The following CDH13 variants were observed in gnomAD, a reference collection of about 807,000 sequenced individuals.
CDH13 encodes the protein cadherin 13.
CDH13 carries 24 observed loss-of-function variants against 63.8 expected under a neutral mutation model. The observed-to-expected ratio is 0.38, with a 90% CI of 0.27 to 0.53. The LOEUF is 0.53. Ranked by LOEUF, CDH13 falls within the 20% of genes least tolerant of loss-of-function variation. CDH13 has a pLI of 0.85. For synonymous variants in CDH13, 503 were observed against 355.3 expected (o/e 1.42, Z -4.67); for missense variants, 1,049 against 903.1 (o/e 1.16, Z -2.07).
At chr16:83,433,118 C>T (rs1056239185) in intron 6 of CDH13, among the ~76,000 whole-genome samples, 8 of 152,152 alleles carry the variant, frequency 5.3e-5, no homozygotes, top group African/African-American at 7.2e-5. Flanking sequence ...GTTTACTGAG[C>T]ACCTACTATG....
chr16:83,741,281 TTAA>T (rs1023698245), intron 10 of CDH13, among the ~76,000 whole-genome samples: 1 of 152,184 alleles, frequency 6.6e-6, no homozygotes, highest in African/African-American at 2.4e-5. Context: ...GGTTCTGCTT[TTAA>T]TAATAAATAC....
chr16:83,580,478 C>G, intron 7 of CDH13, among the ~76,000 whole-genome samples: 1 of 140,360 alleles, frequency 7.1e-6, no homozygotes, highest in African/African-American at 2.6e-5. Flanking sequence ...CTCTCTCTCT[C>G]TCTCTCTCTC....
At chr16:82,691,048 A>G (rs1421243382) in intron 1 of CDH13, among the ~76,000 whole-genome samples, 1 of 152,188 alleles carries the variant, frequency 6.6e-6, no homozygotes, top group Non-Finnish European at 1.5e-5. Flanking sequence ...AAACACCTAG[A>G]TTTTGGATTC....
At chr16:83,576,948 T>C (rs2150715027) in intron 7 of CDH13, among the ~76,000 whole-genome samples, 1 of 152,376 alleles carries the variant, frequency 6.6e-6, no homozygotes, top group East Asian at 1.9e-4. Flanking sequence ...CTGTAAGTTG[T>C]CTTTTCACTT....
At chr16:83,106,209 G>C (rs1436126866) in intron 3 of CDH13, among the ~76,000 whole-genome samples, 1 of 152,116 alleles carries the variant, frequency 6.6e-6, no homozygotes, top group Non-Finnish European at 1.5e-5. Flanking sequence ...CACTTTATTT[G>C]CCTTTCATTT....
At chr16:82,728,620 A>AT (rs2033229933) in intron 1 of CDH13, among the ~76,000 whole-genome samples, 1 of 152,084 alleles carries the variant, frequency 6.6e-6, no homozygotes, top group South Asian at 2.1e-4. Context: ...CTTTTTGCTG[A>AT]TTGAGGGTCT....
intron 2 of CDH13, among the ~76,000 whole-genome samples, chr16:82,927,294 C>G (rs1277432035): frequency 6.6e-6 from 1 of 152,154 alleles, no homozygotes; most frequent in South Asian, 2.1e-4. Context: ...AGAAAATAAA[C>G]TCCTACTCAC....
At chr16:82,675,332 G>A (rs1373401206) in intron 1 of CDH13, among the ~76,000 whole-genome samples, 3 of 152,092 alleles carry the variant, frequency 2.0e-5, no homozygotes, top group Non-Finnish European at 4.4e-5. Context: ...TTATATGGCT[G>A]TATACTTGAA....
chr16:83,193,820 G>A (rs945137227), intron 4 of CDH13, among the ~76,000 whole-genome samples: 1 of 152,082 alleles, frequency 6.6e-6, no homozygotes, highest in Non-Finnish European at 1.5e-5. Flanking sequence ...CACCTATTTA[G>A]TGTTCTGCTT....
intron 6 of CDH13, among the ~76,000 whole-genome samples, chr16:83,438,185 G>A (rs1484525175): frequency 6.6e-6 from 1 of 152,220 alleles, no homozygotes; most frequent in Non-Finnish European, 1.5e-5. Context: ...GAGAGCCTGA[G>A]GGACTTGTCT....
chr16:82,842,654 G>A lies in CDH13; in HGVS notation c.46-15708G>A, dbSNP rs527630342. ...TTTTCCCATGTACCAGGGACATGGG[G>A]GAGGGGAGGATTTGGGGATGATTCA... On this transcript the variant is annotated intron_variant, in intron 1 of 13. Coordinates refer to ENST00000567109, the MANE Select transcript of CDH13 (RefSeq NM_001257.5). 9.9e-5 allele frequency among the ~76,000 whole-genome samples: 15 copies of A among 152,142 alleles called. 1 individual carries two copies. In the South Asian group the frequency reaches 2.9e-3, roughly 30 times the overall value.
intron 5 of CDH13, among the ~76,000 whole-genome samples, chr16:83,261,833 A>C (rs1907033161): frequency 6.6e-6 from 1 of 151,868 alleles, no homozygotes; most frequent in South Asian, 2.1e-4. Context: ...ACCTCTCAAT[A>C]CTGGTCTCTT....
At chr16:83,125,925 C>T (rs1419454937) in intron 4 of CDH13, among the ~76,000 whole-genome samples, 3 of 152,062 alleles carry the variant, frequency 2.0e-5, no homozygotes, top group South Asian at 4.2e-4. Flanking sequence ...AAAACTAAAC[C>T]AGATCAAGGG....
At chr16:83,000,264 T>TTTTTTTTA (rs1912748830) in intron 2 of CDH13, among the ~76,000 whole-genome samples, 2 of 107,112 alleles carry the variant, frequency 1.9e-5, no homozygotes, top group African/African-American at 3.7e-5. Context: ...TTTTTTTTTT[T>TTTTTTTTA]GAGACAGAGT....
At chr16:82,860,398 G>T (rs1245294643) in intron 2 of CDH13, among the ~76,000 whole-genome samples, 1 of 124,364 alleles carries the variant, frequency 8.0e-6, no homozygotes, top group East Asian at 2.7e-4. Flanking sequence ...TGGGGGGGGG[G>T]GCGGCGGTGT....
chr16:83,324,177 C>G (rs996717301), intron 5 of CDH13, among the ~76,000 whole-genome samples: 4 of 152,152 alleles, frequency 2.6e-5, no homozygotes, highest in African/African-American at 9.6e-5. Context: ...TCTGCGATGA[C>G]AGGCACCTGC....
At chr16:83,697,923 C>T (rs1296886131) in intron 10 of CDH13, among the ~76,000 whole-genome samples, 2 of 152,244 alleles carry the variant, frequency 1.3e-5, no homozygotes, top group African/African-American at 4.8e-5. Context: ...GCTGGGATTA[C>T]AGGCGTGAGC....
chr16:83,073,964 C>A (rs2032638688), intron 3 of CDH13, among the ~76,000 whole-genome samples: 1 of 152,142 alleles, frequency 6.6e-6, no homozygotes, highest in South Asian at 2.1e-4. Flanking sequence ...TCCATCATCA[C>A]AATCATTTAT....
chr16:83,235,979 T>C (rs916797224), intron 5 of CDH13, among the ~76,000 whole-genome samples: 9 of 152,216 alleles, frequency 5.9e-5, no homozygotes, highest in Admixed American at 1.3e-4. Context: ...TTGAAACTCA[T>C]GATGCTTTAT....
Sources: gnomAD v4.1 joint callset for allele counts (sites outside exome capture counted in the v4.1 genomes callset) on GRCh38, gnomAD v4.1.1 for gene constraint, MANE v1.5 for transcripts, NCBI Gene and HGNC (gene_info 2026-07-23, HGNC 2026-07-21) for gene names.